ASCC3: variants seen among roughly 807,000 people sequenced by gnomAD.
The protein encoded by ASCC3 is ASC-1 complex subunit P200.
A neutral mutation model predicts 256.3 loss-of-function variants in ASCC3; 158 were observed. That is an observed-to-expected ratio of 0.62 (90% CI 0.54 to 0.70). ASCC3 has a LOEUF of 0.70. Among genes scored for constraint, ASCC3 ranks in the 30% least tolerant of loss-of-function variants. The pLI is 0.00. For missense variants in ASCC3, 2,259 were observed against 2,626.0 expected (o/e 0.86, Z 3.05); for synonymous variants, 948 against 883.4 (o/e 1.07, Z -1.30).
chr6:100,821,904 AAC>A (rs1404548550), intron 4 of ASCC3, among the ~76,000 whole-genome samples: 1 of 152,206 alleles, frequency 6.6e-6, no homozygotes, highest in Non-Finnish European at 1.5e-5. Context: ...AAGTAAAAAA[AAC>A]AGTCAAGAAA....
intron 37 of ASCC3, among the ~76,000 whole-genome samples, chr6:100,535,009 A>C (rs985249046): frequency 7.2e-5 from 11 of 152,222 alleles, no homozygotes; most frequent in Non-Finnish European, 8.8e-5. Context: ...ACTAAGACCT[A>C]CTTCCAAGTC....
intron 37 of ASCC3, among the ~76,000 whole-genome samples, chr6:100,526,416 A>G (rs1386682338): frequency 3.9e-5 from 6 of 152,186 alleles, no homozygotes; most frequent in Non-Finnish European, 5.9e-5. Flanking sequence ...TAATAGCATC[A>G]TATCATCAAC....
chr6:100,775,849 T>TAA (rs61577544), intron 8 of ASCC3, among the ~76,000 whole-genome samples: 8 of 149,852 alleles, frequency 5.3e-5, no homozygotes, highest in East Asian at 1.9e-4. Flanking sequence ...TGACAGCAGT[T>TAA]AAAAAAAAAA....
intron 14 of ASCC3, among the ~76,000 whole-genome samples, chr6:100,664,226 C>G (rs887439046): frequency 6.6e-6 from 1 of 151,674 alleles, no homozygotes; most frequent in Admixed American, 6.6e-5. Context: ...TCTTTTTGAA[C>G]AGTTTTTTCC....
chr6:100,727,603 C>T (rs1295859542), intron 10 of ASCC3, among the ~76,000 whole-genome samples: 1 of 151,906 alleles, frequency 6.6e-6, no homozygotes, highest in Admixed American at 6.6e-5. Context: ...AGTGTTAGAT[C>T]CCAGAGCTAT....
chr6:100,695,321 A>T (rs1031196485), intron 13 of ASCC3, among the ~76,000 whole-genome samples: 1 of 152,176 alleles, frequency 6.6e-6, no homozygotes, highest in African/African-American at 2.4e-5. Context: ...CAGAAAAAAA[A>T]TTATCTATAA....
At chr6:100,843,273 A>G (rs1408000400) in intron 4 of ASCC3, among the ~76,000 whole-genome samples, 1 of 152,196 alleles carries the variant, frequency 6.6e-6, no homozygotes, top group Non-Finnish European at 1.5e-5. Context: ...TCAGAAGACA[A>G]TCTAACCAAA....
chr6:100,816,258 A>G (rs1014523668), intron 4 of ASCC3, among the ~76,000 whole-genome samples: 1 of 152,148 alleles, frequency 6.6e-6, no homozygotes, highest in African/African-American at 2.4e-5. Flanking sequence ...TCAAAAAATA[A>G]CAGATGCTAG....
chr6:100,579,186 GTT>G (rs34493851), intron 36 of ASCC3, among the ~76,000 whole-genome samples: 12 of 132,350 alleles, frequency 9.1e-5, no homozygotes, highest in South Asian at 4.6e-4. Flanking sequence ...GGGGTTGTTT[GTT>G]TTTTTTTTTT....
At chr6:100,592,306 T>C (rs142607515) in intron 34 of ASCC3, among the ~76,000 whole-genome samples, 342 of 152,106 alleles carry the variant, frequency 2.2e-3, no homozygotes, top group Middle Eastern at 0.014. Context: ...AGTTTTTTTT[T>C]CTAAATGTGG....
chr6:100,809,712 C>G (rs1053089675), intron 4 of ASCC3, among the ~76,000 whole-genome samples: 2 of 152,088 alleles, frequency 1.3e-5, no homozygotes, highest in African/African-American at 4.8e-5. Flanking sequence ...TACTATAAAA[C>G]ATTTTTAAAT....
intron 18 of ASCC3, among the ~76,000 whole-genome samples, chr6:100,652,111 G>GA (rs1415501067): frequency 6.6e-6 from 1 of 151,900 alleles, no homozygotes; most frequent in African/African-American, 2.4e-5. Flanking sequence ...AAACTGAGTT[G>GA]AAAAAAATCA....
At chr6:100,612,490 C>T (rs1322264679) in intron 30 of ASCC3, among the ~76,000 whole-genome samples, 1 of 152,000 alleles carries the variant, frequency 6.6e-6, no homozygotes, top group Non-Finnish European at 1.5e-5. Context: ...CCATATGCCA[C>T]TGAATAATGC....
intron 16 of ASCC3, among the ~76,000 whole-genome samples, chr6:100,658,761 G>A (rs985715856): frequency 1.3e-5 from 2 of 151,596 alleles, no homozygotes; most frequent in African/African-American, 4.8e-5. Context: ...TCAGATTGTA[G>A]AGGCCTTAAA....
intron 4 of ASCC3, among the ~76,000 whole-genome samples, chr6:100,846,267 A>G (rs991920935): frequency 2.0e-5 from 3 of 152,224 alleles, no homozygotes; most frequent in Non-Finnish European, 4.4e-5. Flanking sequence ...AAAATTTGCC[A>G]TAACAACAGA....
intron 36 of ASCC3, among the ~76,000 whole-genome samples, chr6:100,578,773 G>A (rs1483631942): frequency 6.6e-6 from 1 of 152,034 alleles, no homozygotes; most frequent in African/African-American, 2.4e-5. Context: ...ATTCCTTTGG[G>A]TATATACCCA....
At chr6:100,701,470 C>T (rs529508455) in intron 13 of ASCC3, among the ~76,000 whole-genome samples, 3 of 152,258 alleles carry the variant, frequency 2.0e-5, no homozygotes, top group South Asian at 4.1e-4. Context: ...CATAAAACCT[C>T]TTCCTTGTGT....
intron 36 of ASCC3, among the ~76,000 whole-genome samples, chr6:100,578,997 T>C (rs1425317945): frequency 6.6e-6 from 1 of 152,114 alleles, no homozygotes; most frequent in Admixed American, 6.6e-5. Flanking sequence ...CTGTTGTTTT[T>C]TGACTTTGAA....
intron 30 of ASCC3, among the ~76,000 whole-genome samples, chr6:100,622,168 A>G (rs1773983593): frequency 6.6e-6 from 1 of 151,984 alleles, no homozygotes; most frequent in African/African-American, 2.4e-5. Flanking sequence ...TGTGCAGCAA[A>G]CCACCATGAC....
Sources: allele counts gnomAD v4.1 joint callset (sites outside exome capture counted in the v4.1 genomes callset), GRCh38; gene constraint gnomAD v4.1.1; transcripts MANE v1.5; gene names NCBI Gene and HGNC (gene_info 2026-07-23, HGNC 2026-07-21).